The following NRG3 variants were observed in gnomAD, a reference collection of about 807,000 sequenced individuals.
The protein encoded by NRG3 is pro-neuregulin-3, membrane-bound isoform.
A neutral mutation model predicts 66.9 loss-of-function variants in NRG3; 31 were observed. The observed-to-expected ratio is 0.46, with a 90% CI of 0.35 to 0.63. The LOEUF is 0.63. Ranked by LOEUF, NRG3 falls within the 20% of genes least tolerant of loss-of-function variation. The probability of loss-of-function intolerance (pLI) is 0.00; values close to 1 mark genes in which losing one functional copy is unlikely to be tolerated. For missense variants in NRG3, 910 were observed against 878.9 expected, an observed-to-expected ratio of 1.04 and a Z score of -0.45; for synonymous variants, 393 against 359.4, an observed-to-expected ratio of 1.09 and a Z score of -1.06.
chr10:82,321,129 TG>T (rs1319936383), intron 1 of NRG3, among the ~76,000 whole-genome samples: 2 of 152,194 alleles, frequency 1.3e-5, no homozygotes, highest in East Asian at 3.9e-4. Context: ...ACATGCCCCC[TG>T]GGGCGTCAGT....
chr10:82,542,860 A>T (rs1033491002), intron 2 of NRG3, among the ~76,000 whole-genome samples: 1 of 152,060 alleles, frequency 6.6e-6, no homozygotes, highest in Non-Finnish European at 1.5e-5. Context: ...CATGACAGGT[A>T]AATATAATTG....
intron 3 of NRG3, among the ~76,000 whole-genome samples, chr10:82,854,085 T>C (rs1429200155): frequency 2.0e-5 from 3 of 152,334 alleles, no homozygotes; most frequent in African/African-American, 4.8e-5. Flanking sequence ...CCATATGCTA[T>C]TGGAAAGGCA....
intron 6 of NRG3, among the ~76,000 whole-genome samples, chr10:82,966,673 T>G (rs1214549537): frequency 6.6e-6 from 1 of 152,172 alleles, no homozygotes; most frequent in Non-Finnish European, 1.5e-5. Context: ...TGGTTAAGTA[T>G]CTACATAAGT....
At chr10:82,019,681 G>A (rs1294508274) in intron 1 of NRG3, among the ~76,000 whole-genome samples, 10 of 152,068 alleles carry the variant, frequency 6.6e-5, no homozygotes, top group Admixed American at 1.3e-4. Context: ...TGTATGTGTC[G>A]AGGAATTTAT....
At chr10:82,206,259 C>A (rs1417428972) in intron 1 of NRG3, among the ~76,000 whole-genome samples, 1 of 152,182 alleles carries the variant, frequency 6.6e-6, no homozygotes, top group African/African-American at 2.4e-5. Flanking sequence ...ACTGAAATCT[C>A]CATGACCTCC....
chr10:81,878,062 T>C (rs1841843284), intron 1 of NRG3: 1 of 1,537,012 alleles, frequency 6.5e-7, no homozygotes, highest in African/African-American at 1.4e-5. Flanking sequence ...TTTCCTTGTG[T>C]ACCATTCCGG....
At chr10:82,173,674 A>AACACACACACACAC (rs3037392) in intron 1 of NRG3, among the ~76,000 whole-genome samples, 1,791 of 146,574 alleles carry the variant, frequency 0.012, 14 homozygotes, top group African/African-American at 0.023. Context: ...TGCATATGTG[A>AACACACACACACAC]ACACACACAC....
At chr10:81,878,334 C>A (rs1426614328) in intron 1 of NRG3, among the ~76,000 whole-genome samples, 1 of 152,074 alleles carries the variant, frequency 6.6e-6, no homozygotes, top group Non-Finnish European at 1.5e-5. Context: ...GTATGTAATA[C>A]AAGTATGCAA....
chr10:82,871,102 T>C (rs1436246654), intron 4 of NRG3, among the ~76,000 whole-genome samples: 2 of 152,116 alleles, frequency 1.3e-5, no homozygotes, highest in African/African-American at 4.8e-5. Context: ...TTGTGAAGAG[T>C]GTAAGGTCTG....
chr10:82,188,189 G>A (rs1467862263), intron 1 of NRG3, among the ~76,000 whole-genome samples: 1 of 152,046 alleles, frequency 6.6e-6, no homozygotes, highest in Non-Finnish European at 1.5e-5. Flanking sequence ...TTTAACAAAG[G>A]TACCAAGAAC....
chr10:82,153,683 G>T (rs773371286), intron 1 of NRG3, among the ~76,000 whole-genome samples: 1 of 151,952 alleles, frequency 6.6e-6, no homozygotes, highest in Admixed American at 6.6e-5. Context: ...TCTATCAACA[G>T]TGTACAAGGG....
intron 3 of NRG3, among the ~76,000 whole-genome samples, chr10:82,856,626 C>T (rs2063816582): frequency 6.6e-6 from 1 of 151,562 alleles, no homozygotes; most frequent in African/African-American, 2.4e-5. Context: ...TGCCTGTAAT[C>T]CCAGCTACTT....
intron 4 of NRG3, 88 bp from the exon 5 acceptor site, chr10:82,951,381 C>A: frequency 2.0e-6 from 2 of 1,021,938 alleles, no homozygotes; most frequent in Non-Finnish European, 3.0e-6. Flanking sequence ...CTTTGAAAGA[C>A]TCCTACCAGC....
chr10:82,973,098 A>C (rs1851918717), intron 6 of NRG3, among the ~76,000 whole-genome samples: 2 of 152,198 alleles, frequency 1.3e-5, no homozygotes, highest in Admixed American at 1.3e-4. Flanking sequence ...AGGGAGTGTT[A>C]AAGTTGACAA....
chr10:81,965,139 T>C (rs2059683820), intron 1 of NRG3, among the ~76,000 whole-genome samples: 1 of 152,196 alleles, frequency 6.6e-6, no homozygotes, highest in Admixed American at 6.5e-5. Flanking sequence ...GCTGAAGTAT[T>C]AAAGGTCCAT....
chr10:82,027,067 A>C (rs2062346354), intron 1 of NRG3, among the ~76,000 whole-genome samples: 1 of 152,122 alleles, frequency 6.6e-6, no homozygotes, highest in Non-Finnish European at 1.5e-5. Context: ...AGTGAACAAC[A>C]TGAAACTTTT....
At chr10:82,734,089 G>A (rs1473102261) in intron 2 of NRG3, among the ~76,000 whole-genome samples, 1 of 152,110 alleles carries the variant, frequency 6.6e-6, no homozygotes, top group Non-Finnish European at 1.5e-5. Context: ...ACCACACCAG[G>A]CAAAACAAGT....
chr10:82,305,016 A>G (rs1394254559), intron 1 of NRG3, among the ~76,000 whole-genome samples: 3 of 103,596 alleles, frequency 2.9e-5, no homozygotes, highest in Admixed American at 1.4e-4. Context: ...TTTTTTTGAG[A>G]CAGAGTCTCC....
At chr10:82,298,779 G>T (rs2080224302) in intron 1 of NRG3, among the ~76,000 whole-genome samples, 1 of 152,244 alleles carries the variant, frequency 6.6e-6, no homozygotes, top group Non-Finnish European at 1.5e-5. Flanking sequence ...GGCAGCAAGG[G>T]CCACTCTGGG....
Sources: allele counts gnomAD v4.1 joint callset (sites outside exome capture counted in the v4.1 genomes callset), GRCh38; gene constraint gnomAD v4.1.1; transcripts MANE v1.5; gene names NCBI Gene and HGNC (gene_info 2026-07-23, HGNC 2026-07-21).